CEACAM18: variants seen among roughly 807,000 people sequenced by gnomAD.
The protein encoded by CEACAM18 is CEA cell adhesion molecule 18.
CEACAM18 carries 33 observed loss-of-function variants against 34.3 expected under a neutral mutation model. That is an observed-to-expected ratio of 0.96 (90% confidence interval 0.73 to 1.29). The LOEUF is 1.29. CEACAM18 is among the 50% of genes most tolerant of loss of function. The pLI, the probability that CEACAM18 is intolerant of heterozygous loss-of-function variation, is 0.00. For missense variants in CEACAM18, 474 were observed against 485.0 expected (o/e 0.98, Z 0.21); for synonymous variants, 169 against 180.9 (o/e 0.93, Z 0.53).
chr19:51,478,940 A>ACACG (rs376187133), intron 1 of CEACAM18, among the ~76,000 whole-genome samples: 1 of 139,250 alleles, frequency 7.2e-6, no homozygotes, highest in African/African-American at 2.6e-5. Context: ...TTACACACAC[A>ACACG]CGCACACGCA....
intron 3 of CEACAM18, among the ~76,000 whole-genome samples, chr19:51,482,214 AC>A (rs1989929467): frequency 6.6e-6 from 1 of 151,956 alleles, no homozygotes; most frequent in African/African-American, 2.4e-5. Flanking sequence ...CAAGTTCACC[AC>A]CCAGGAAGAC....
chr19:51,483,268 A>G (rs1989948836), exon 4 of CEACAM18: 2 of 1,613,970 alleles, frequency 1.2e-6, no homozygotes, highest in Non-Finnish European at 1.7e-6. Flanking sequence ...GATCATGTAC[A>G]TGGACGTCAG....
At chr19:51,484,136 CTG>C (rs1421966076) in intron 4 of CEACAM18, among the ~76,000 whole-genome samples, 3 of 152,168 alleles carry the variant, frequency 2.0e-5, no homozygotes, top group Non-Finnish European at 4.4e-5. Context: ...TAAAATGAAA[CTG>C]TGCAAGAAAG....
At chr19:51,490,219 C>G (rs1229767165) in intron 5 of CEACAM18, among the ~76,000 whole-genome samples, 1 of 152,154 alleles carries the variant, frequency 6.6e-6, no homozygotes, top group East Asian at 1.9e-4. Context: ...ATAACCCTGT[C>G]ATAAGTTATA....
intron 3 of CEACAM18, among the ~76,000 whole-genome samples, chr19:51,482,207 G>A (rs903780308): frequency 5.9e-5 from 9 of 151,968 alleles, no homozygotes; most frequent in Non-Finnish European, 1.0e-4. Context: ...ACCGGGGCAA[G>A]TTCACCACCC....
At chr19:51,487,215 C>T (rs1382259308) in intron 5 of CEACAM18, among the ~76,000 whole-genome samples, 2 of 152,272 alleles carry the variant, frequency 1.3e-5, no homozygotes, top group South Asian at 2.1e-4. Flanking sequence ...TAGCTCATGC[C>T]TGTAATCCCA....
intron 3 of CEACAM18, 38 bp downstream of exon 3, chr19:51,481,703 G>T (rs776552110): frequency 1.5e-5 from 24 of 1,584,986 alleles, no homozygotes; most frequent in Admixed American, 3.4e-5. Context: ...AGCCAGGGCT[G>T]GTCTCAGGGC....
At chr19:51,481,607 G>A (rs1415769642) in exon 3 of CEACAM18, 1 of 1,614,014 alleles carries the variant, frequency 6.2e-7, no homozygotes, top group African/African-American at 1.3e-5. Context: ...TTCAGTGCAT[G>A]ATAGAGAGTT....
At chr19:51,485,841 C>A (rs1341153280) in intron 5 of CEACAM18, among the ~76,000 whole-genome samples, 1 of 152,142 alleles carries the variant, frequency 6.6e-6, no homozygotes, top group Non-Finnish European at 1.5e-5. Context: ...CATAACTGGC[C>A]TTTTTCCATT....
intron 1 of CEACAM18, 31 bp downstream of exon 1, chr19:51,478,725 C>T (rs1248460461): frequency 6.6e-6 from 9 of 1,363,600 alleles, no homozygotes; most frequent in Non-Finnish European, 8.6e-6. Flanking sequence ...GATGAGCTTC[C>T]CAGGACTGAG....
chr19:51,481,695 C>A, intron 3 of CEACAM18, 30 bp downstream of exon 3: 1 of 1,594,618 alleles, frequency 6.3e-7, no homozygotes, highest in Non-Finnish European at 8.6e-7. Context: ...GGGACTGAAG[C>A]CAGGGCTGGT....
chr19:51,478,940 A>ACACACG (rs376187133), intron 1 of CEACAM18, among the ~76,000 whole-genome samples: 1,810 of 139,344 alleles, frequency 0.013, 35 homozygotes, highest in African/African-American at 0.042. Flanking sequence ...TTACACACAC[A>ACACACG]CGCACACGCA....
chr19:51,489,790 G>A (rs1020967798), intron 5 of CEACAM18, among the ~76,000 whole-genome samples: 1 of 152,154 alleles, frequency 6.6e-6, no homozygotes, highest in Non-Finnish European at 1.5e-5. Context: ...TGGAAGAAGG[G>A]TTGGTACACA....
chr19:51,481,420 T>C, exon 3 of CEACAM18: 2 of 1,613,964 alleles, frequency 1.2e-6, no homozygotes, highest in East Asian at 2.2e-5. Context: ...GGCATCTCCG[T>C]CAATGCCAGC....
In CEACAM18 at chr19:51,480,478, C is replaced by T. The variant is rs958291255; in HGVS notation, c.198C>T (p.Asn66=). The change falls in exon 2 of 6, where the codon AAC becomes AAT. Residue 66 remains asparagine, a synonymous_variant. Coordinates refer to ENST00000396477, the Ensembl canonical transcript of CEACAM18. ...AATACAGCTGGTACTGGGGTGCAAA[C>T]GACAGCGCAGGAAACATGATTATCA... is the stretch of plus-strand genomic sequence containing the variant. 8 of 1,613,822 alleles carry T rather than the reference C, an allele frequency of 5.0e-6. No individual in the cohort carries two copies. The South Asian group carries it at 5.5e-5, about 11-fold the overall frequency.
chr19:51,485,682 G>A lies in CEACAM18; in HGVS notation c.1089+560G>A, dbSNP rs113570617. The stretch of plus-strand genomic sequence containing the variant: ...AGGGTGATGTGGGGATTAGAGACAC[G>A]TCTTGGAGGAAAAGGGGACTTGCAG... On this transcript the variant is annotated intron_variant, in intron 5 of 5. Transcript: ENST00000396477. Among the ~76,000 whole-genome samples, 649 of 152,312 alleles carry A rather than the reference G, an allele frequency of 4.3e-3. 1 individual carries two copies. Among genetic ancestry groups the A allele is most frequent in the African/African-American group, 0.015 (614 of 41,562 alleles).
chr19:51,478,849 T>C (rs1989857267), intron 1 of CEACAM18, among the ~76,000 whole-genome samples, 155 bp downstream of exon 1: 1 of 151,650 alleles, frequency 6.6e-6, no homozygotes, highest in African/African-American at 2.4e-5. Context: ...GGGAGGACCC[T>C]CAGCACAACT....
intron 5 of CEACAM18, among the ~76,000 whole-genome samples, chr19:51,489,243 T>C (rs1340015480): frequency 6.6e-6 from 1 of 150,646 alleles, no homozygotes; most frequent in African/African-American, 2.4e-5. Context: ...CTCATTCAGT[T>C]TCTCGGTCCC....
intron 3 of CEACAM18, among the ~76,000 whole-genome samples, chr19:51,482,509 A>C (rs1204395126): frequency 6.6e-6 from 1 of 152,208 alleles, no homozygotes; most frequent in Non-Finnish European, 1.5e-5. Context: ...AGCTGTTTAC[A>C]GGTCAGAGGC....
Sources: gnomAD v4.1 joint callset for allele counts (sites outside exome capture counted in the v4.1 genomes callset) on GRCh38, gnomAD v4.1.1 for gene constraint, MANE v1.5 for transcripts, NCBI Gene and HGNC (gene_info 2026-07-23, HGNC 2026-07-21) for gene names.